The following PTBP2 variants were observed in gnomAD, a reference collection of about 807,000 sequenced individuals.
PTBP2 encodes polypyrimidine tract binding protein 2.
PTBP2 carries 13 observed loss-of-function variants against 61.4 expected under a neutral mutation model. The ratio of observed to expected loss-of-function variants is 0.21; its 90% CI spans 0.14 to 0.34. The LOEUF is 0.34. Ranked by LOEUF, PTBP2 falls within the 10% of genes least tolerant of loss-of-function variation. PTBP2 has a pLI of 1.00. For missense variants in PTBP2, 405 were observed against 642.6 expected, an observed-to-expected ratio of 0.63 and a Z score of 4.00; for synonymous variants, 215 against 218.5, an observed-to-expected ratio of 0.98 and a Z score of 0.14.
intron 2 of PTBP2, among the ~76,000 whole-genome samples, chr1:96,739,552 A>G (rs1032559973): frequency 1.2e-4 from 18 of 150,472 alleles, no homozygotes; most frequent in Non-Finnish European, 2.2e-4. Flanking sequence ...ATTATACAGT[A>G]TAGGTTAAGC....
intron 2 of PTBP2, among the ~76,000 whole-genome samples, chr1:96,733,686 C>T (rs1376851856): frequency 6.6e-6 from 1 of 152,084 alleles, no homozygotes; most frequent in African/African-American, 2.4e-5. Context: ...AGGAAAAGGG[C>T]TTTCCTGAGG....
chr1:96,804,394 C>T (rs904367083), intron 8 of PTBP2, among the ~76,000 whole-genome samples: 23 of 151,030 alleles, frequency 1.5e-4, no homozygotes, highest in Admixed American at 1.2e-3. Context: ...ATAGCACTTG[C>T]GGAAAAAAGT....
chr1:96,763,001 C>T (rs557771093), intron 3 of PTBP2, among the ~76,000 whole-genome samples: 16 of 151,754 alleles, frequency 1.1e-4, no homozygotes, highest in African/African-American at 3.6e-4. Context: ...CAGAGACGCT[C>T]CTCACTTCCT....
rs768835011 is a variant in PTBP2 at position 96,814,777 on chromosome 1, A to T, written c.*1372A>T. 1.6e-4 allele frequency: 25 copies of T among 152,582 alleles called. No homozygotes were observed. The highest frequency in any genetic ancestry group is 2.8e-4 in the Non-Finnish European group (19 of 67,990). The allele number at this position is 152,582 out of a possible 1,614,324, so 9.5% of individuals were successfully genotyped here. On this transcript the variant is annotated 3_prime_UTR_variant, in exon 14 of 14. Transcript: ENST00000674951. ...TAGTTTGAAAGCGGCACAATTAAAA[A>T]TTAATTTTCTAACAAAGTTGGGAGG... is the stretch of plus-strand genomic sequence containing the variant.
chr1:96,754,925 TC>T (rs555162220), intron 3 of PTBP2, among the ~76,000 whole-genome samples: 174 of 152,220 alleles, frequency 1.1e-3, no homozygotes, highest in African/African-American at 4.1e-3. Flanking sequence ...CAGAAAATCT[TC>T]GTGACTTTGG....
chr1:96,775,753 G>T (rs187907129), intron 5 of PTBP2, among the ~76,000 whole-genome samples: 2 of 152,028 alleles, frequency 1.3e-5, no homozygotes, highest in Admixed American at 1.3e-4. Flanking sequence ...AGCCAACACT[G>T]CTCCATGAAT....
intron 5 of PTBP2, among the ~76,000 whole-genome samples, chr1:96,774,983 GT>G (rs1250014426): frequency 2.0e-5 from 3 of 152,150 alleles, no homozygotes; most frequent in Non-Finnish European, 4.4e-5. Context: ...ATGGAATATT[GT>G]GGGTTGGCCT....
intron 8 of PTBP2, among the ~76,000 whole-genome samples, chr1:96,786,569 A>G (rs1270304606): frequency 2.6e-5 from 4 of 152,206 alleles, no homozygotes; most frequent in South Asian, 2.1e-4. Flanking sequence ...AATTATTACT[A>G]TAGATTATTA....
At chr1:96,727,163 A>G (rs1460356617) in intron 2 of PTBP2, among the ~76,000 whole-genome samples, 1 of 152,116 alleles carries the variant, frequency 6.6e-6, no homozygotes, top group Non-Finnish European at 1.5e-5. Flanking sequence ...TGGTATGTAC[A>G]TTTTTGGTCT....
chr1:96,757,653 G>C (rs190200757), intron 3 of PTBP2, among the ~76,000 whole-genome samples: 1 of 152,144 alleles, frequency 6.6e-6, no homozygotes, highest in Non-Finnish European at 1.5e-5. Flanking sequence ...AGTGTACATA[G>C]AACATTCACA....
chr1:96,805,039 C>A, intron 9 of PTBP2, 100 bp downstream of exon 9: 1 of 912,562 alleles, frequency 1.1e-6, no homozygotes, highest in Non-Finnish European at 1.6e-6. Context: ...TTTTTATGTA[C>A]ATTCATTAGT....
chr1:96,763,248 A>G (rs368481751), intron 3 of PTBP2, among the ~76,000 whole-genome samples: 9 of 152,000 alleles, frequency 5.9e-5, no homozygotes, highest in Admixed American at 4.6e-4. Flanking sequence ...GGAGGTTGTA[A>G]CGAGCCGAGA....
At chr1:96,770,021 A>G (rs932495967) in intron 4 of PTBP2, 146 bp downstream of exon 4, 1 of 576,134 alleles carries the variant, frequency 1.7e-6, no homozygotes, top group African/African-American at 2.0e-5. Context: ...GTCTGTGGGA[A>G]ACTAATGCTA....
At chr1:96,807,663 T>G (rs1431546359) in intron 11 of PTBP2, among the ~76,000 whole-genome samples, 1 of 152,208 alleles carries the variant, frequency 6.6e-6, no homozygotes. Context: ...AAATTTGCCA[T>G]TTTTGATGTA....
At chr1:96,816,722 T>C (rs1662500891), downstream of PTBP2, 1 of 152,174 alleles carries the variant, frequency 6.6e-6, no homozygotes, top group African/African-American at 2.4e-5. Flanking sequence ...TGTATCACCA[T>C]ATAATTACTA....
intron 8 of PTBP2, among the ~76,000 whole-genome samples, chr1:96,790,026 G>T (rs1026806762): frequency 6.6e-6 from 1 of 152,062 alleles, no homozygotes; most frequent in Non-Finnish European, 1.5e-5. Flanking sequence ...CCTATGGAGG[G>T]CCGCACATAG....
intron 2 of PTBP2, chr1:96,749,608 A>G (rs140757876): frequency 3.0e-4 from 135 of 454,988 alleles, no homozygotes; most frequent in African/African-American, 2.4e-3. Context: ...GCAAACTTTG[A>G]TTTTGTATGT....
At chr1:96,780,661 C>T (rs1421387496) in intron 7 of PTBP2, among the ~76,000 whole-genome samples, 1 of 151,690 alleles carries the variant, frequency 6.6e-6, no homozygotes, top group Non-Finnish European at 1.5e-5. Context: ...TGTCTTGTAA[C>T]TCCCCTTCTA....
intron 11 of PTBP2, among the ~76,000 whole-genome samples, chr1:96,809,775 G>A (rs908779254): frequency 6.6e-6 from 1 of 151,956 alleles, no homozygotes; most frequent in Non-Finnish European, 1.5e-5. Flanking sequence ...AAAATTAAGC[G>A]ATAAAGTACT....
Sources: allele counts gnomAD v4.1 joint callset (sites outside exome capture counted in the v4.1 genomes callset), GRCh38; gene constraint gnomAD v4.1.1; transcripts MANE v1.5; gene names NCBI Gene and HGNC (gene_info 2026-07-23, HGNC 2026-07-21).